The following PPTC7 variants were observed in gnomAD, a reference collection of about 807,000 sequenced individuals.
PPTC7 encodes protein phosphatase targeting COQ7, also known as protein phosphatase PTC7 homolog.
A neutral mutation model predicts 30.8 loss-of-function variants in PPTC7; 6 were observed. The observed-to-expected ratio is 0.19, with a 90% CI of 0.11 to 0.38. The LOEUF is 0.38. Among genes scored for constraint, PPTC7 ranks in the 10% least tolerant of loss-of-function variants. PPTC7 has a pLI of 1.00. For synonymous variants in PPTC7, 163 were observed against 168.1 expected (o/e 0.97, Z 0.23); for missense variants, 218 against 404.8 (o/e 0.54, Z 3.96).
At chr12:110,553,211 G>A (rs1042316162) in intron 1 of PPTC7, among the ~76,000 whole-genome samples, 1 of 143,862 alleles carries the variant, frequency 7.0e-6, no homozygotes. Flanking sequence ...GCAGTGGCGT[G>A]ATCTCGGCTC....
intron 1 of PPTC7, among the ~76,000 whole-genome samples, chr12:110,578,979 C>T (rs1447808983): frequency 1.3e-5 from 2 of 152,034 alleles, no homozygotes; most frequent in African/African-American, 4.8e-5. Context: ...AACCTCATCT[C>T]TACTAAAAAA....
At chr12:110,542,116 C>T (rs2064265745) in intron 3 of PPTC7, among the ~76,000 whole-genome samples, 1 of 151,612 alleles carries the variant, frequency 6.6e-6, no homozygotes, top group South Asian at 2.1e-4. Context: ...CGCCACTGCA[C>T]TCTAGCCTGG....
intron 2 of PPTC7, among the ~76,000 whole-genome samples, chr12:110,550,392 G>A (rs947330399): frequency 1.3e-5 from 2 of 151,776 alleles, no homozygotes; most frequent in Non-Finnish European, 2.9e-5. Flanking sequence ...CACCACACCC[G>A]GCTAATTTTT....
At chr12:110,550,832 G>C (rs1013486919) in intron 2 of PPTC7, among the ~76,000 whole-genome samples, 8 of 152,192 alleles carry the variant, frequency 5.3e-5, no homozygotes, top group African/African-American at 1.9e-4. Flanking sequence ...GCAGTGTGGG[G>C]TGACCAAACA....
intron 1 of PPTC7, among the ~76,000 whole-genome samples, chr12:110,566,681 C>T (rs974080485): frequency 2.6e-5 from 4 of 152,136 alleles, no homozygotes; most frequent in Non-Finnish European, 5.9e-5. Context: ...GTCTTTGACC[C>T]ATGTTTGTAG....
intron 5 of PPTC7, 47 bp from the exon 6 acceptor site, chr12:110,537,142 C>T (rs766758898): frequency 1.4e-6 from 2 of 1,471,804 alleles, no homozygotes; most frequent in Admixed American, 1.7e-5. Context: ...AAGGAAAAGT[C>T]AATAAAAAAT....
rs575636293 is a variant in PPTC7 at position 110,538,445 on chromosome 12, A to G, written c.727-172T>C. 2.0e-5 allele frequency among the ~76,000 whole-genome samples: 3 copies of G among 152,324 alleles called. No homozygotes were observed. The East Asian group carries it at 5.8e-4, about 29-fold the overall frequency. On this transcript the variant is annotated intron_variant, in intron 4 of 5. Transcript: ENST00000354300. ...GCTGCCTGCACAAGGTATCAATCAGAAAGTCCTTTGCTTTGGTGGCCTTAA... is the reference window on the plus strand; with the variant it reads ...GCTGCCTGCACAAGGTATCAATCAGGAAGTCCTTTGCTTTGGTGGCCTTAA...
Position 110,582,859 on chromosome 12 carries a change from T to A in PPTC7, c.173A>T (p.Tyr58Phe), listed in dbSNP as rs2064651051. The A allele has an allele frequency of 5.8e-6, 9 of 1,559,892 alleles. No homozygotes were observed. The highest frequency in any genetic ancestry group is 6.1e-6 in the Non-Finnish European group (7 of 1,152,042). The change falls in exon 1 of 6, where the codon TAC becomes TTC. Residue 58 changes from tyrosine to phenylalanine, a missense_variant. Physicochemically the swap from Tyr to Phe is conservative, Grantham distance 22. Transcript: ENST00000354300. Reference sequence around the variant, plus strand: ...GGCCACGAAGCACGCGTCGTCCCCGTAGCACGCGCCCTTCTTGAGGAGGCC... The same window carrying A: ...GGCCACGAAGCACGCGTCGTCCCCGAAGCACGCGCCCTTCTTGAGGAGGCC... Reference protein sequence around the residue: ...RKGLLKKGACYGDDACFVARH... With the variant: ...RKGLLKKGACFGDDACFVARH...
chr12:110,579,744 G>A (rs1322198222), intron 1 of PPTC7, among the ~76,000 whole-genome samples: 1 of 152,148 alleles, frequency 6.6e-6, no homozygotes, highest in Non-Finnish European at 1.5e-5. Flanking sequence ...TGGGCGCGGT[G>A]GTTCATGCCT....
chr12:110,548,676 C>G (rs1329065798), intron 2 of PPTC7, among the ~76,000 whole-genome samples: 1 of 152,174 alleles, frequency 6.6e-6, no homozygotes, highest in Non-Finnish European at 1.5e-5. Context: ...GAAAATTCTG[C>G]TGCAAGAAGG....
chr12:110,571,968 G>C (rs2064540602), intron 1 of PPTC7, among the ~76,000 whole-genome samples: 1 of 152,158 alleles, frequency 6.6e-6, no homozygotes, highest in South Asian at 2.1e-4. Flanking sequence ...AGCTCTTATG[G>C]AAATAGCTTA....
chr12:110,539,360 T>A (rs1358306633), intron 4 of PPTC7, among the ~76,000 whole-genome samples: 1 of 152,126 alleles, frequency 6.6e-6, no homozygotes, highest in East Asian at 1.9e-4. Context: ...CAGGAAAAAA[T>A]TGAAAGCCTA....
chr12:110,553,301 C>A (rs991872846), intron 1 of PPTC7, among the ~76,000 whole-genome samples: 1 of 151,634 alleles, frequency 6.6e-6, no homozygotes. Flanking sequence ...AGGTGCGTGC[C>A]ATCACGCCTG....
At chr12:110,566,021 T>A (rs528219744) in intron 1 of PPTC7, among the ~76,000 whole-genome samples, 4 of 152,140 alleles carry the variant, frequency 2.6e-5, no homozygotes, top group Non-Finnish European at 5.9e-5. Context: ...CTGACTTACA[T>A]GAATAAAGTA....
intron 1 of PPTC7, among the ~76,000 whole-genome samples, chr12:110,580,108 A>T (rs1450856422): frequency 1.3e-5 from 2 of 152,118 alleles, no homozygotes; most frequent in African/African-American, 2.4e-5. Flanking sequence ...CAGATCGTCC[A>T]TTCCCTTTAT....
intron 1 of PPTC7, among the ~76,000 whole-genome samples, chr12:110,555,194 G>C (rs1593153287): frequency 6.6e-6 from 1 of 152,326 alleles, no homozygotes; most frequent in Middle Eastern, 3.4e-3. Context: ...GAAAAAGTAA[G>C]AGGAAACAGA....
intron 3 of PPTC7, among the ~76,000 whole-genome samples, chr12:110,542,936 C>A (rs549503969): frequency 4.4e-4 from 67 of 152,274 alleles, no homozygotes; most frequent in African/African-American, 1.5e-3. Flanking sequence ...CCTCCTGAGG[C>A]TGGTTCTTGG....
intron 1 of PPTC7, among the ~76,000 whole-genome samples, chr12:110,569,864 C>A (rs1437368933): frequency 1.3e-5 from 2 of 152,196 alleles, no homozygotes; most frequent in African/African-American, 4.8e-5. Context: ...CTTGTCCTTT[C>A]ACTTTAGTTT....
intron 1 of PPTC7, among the ~76,000 whole-genome samples, chr12:110,568,691 T>C (rs556323360): frequency 2.0e-5 from 3 of 152,348 alleles, no homozygotes; most frequent in African/African-American, 7.2e-5. Flanking sequence ...CAATAAACAA[T>C]GAATTCAGCT....
Sources: gnomAD v4.1 joint callset for allele counts (sites outside exome capture counted in the v4.1 genomes callset) on GRCh38, gnomAD v4.1.1 for gene constraint, MANE v1.5 for transcripts, NCBI Gene and HGNC (gene_info 2026-07-23, HGNC 2026-07-21) for gene names.